ITPRIP: variants seen among roughly 807,000 people sequenced by gnomAD.
ITPRIP encodes the protein inositol 1,4,5-trisphosphate receptor-interacting protein.
In ITPRIP, 32 loss-of-function variants were observed where a neutral mutation model predicts 35.8. That is an observed-to-expected ratio of 0.89 (90% CI 0.68 to 1.20). ITPRIP has a LOEUF of 1.20. Among genes scored for constraint, ITPRIP ranks in the 50% most tolerant of loss-of-function variants. ITPRIP has a pLI of 0.00. For synonymous variants in ITPRIP, 358 were observed against 324.0 expected (o/e 1.11, Z -1.13); for missense variants, 653 against 735.6 (o/e 0.89, Z 1.30).
chr10:104,325,358 C>T (rs2013970871), intron 1 of ITPRIP, among the ~76,000 whole-genome samples: 1 of 152,216 alleles, frequency 6.6e-6, no homozygotes, highest in Non-Finnish European at 1.5e-5. Context: ...TCAGCAACTA[C>T]TCAGCAAACC....
In ITPRIP at chr10:104,328,020, G is replaced by A. The variant is rs1273731232; in HGVS notation, c.-14+10226C>T. Among the ~76,000 whole-genome samples the A allele has an allele frequency of 2.0e-5, 3 of 152,164 alleles. No individual in the cohort carries two copies. The highest frequency in any genetic ancestry group is 2.9e-5 in the Non-Finnish European group (2 of 68,028). Reference sequence around the variant, plus strand: ...CCCAGAGCAACTGGCATAGACCTGCGCTCCGTGCTAAGGACACACACTATC... The same window carrying A: ...CCCAGAGCAACTGGCATAGACCTGCACTCCGTGCTAAGGACACACACTATC... On this transcript the variant is annotated intron_variant, in intron 1 of 1. Coordinates refer to ENST00000337478, the MANE Select transcript of ITPRIP (RefSeq NM_001272013.2). This position sits in a 1 kb window ranked among gnomAD's most constrained non-coding sequence, Gnocchi z 4.1.
chr10:104,316,055 T>G lies in ITPRIP; in HGVS notation c.-4A>C, dbSNP rs776162336. 57 of 1,562,454 alleles carry G rather than the reference T, an allele frequency of 3.6e-5. No homozygotes were observed. Among genetic ancestry groups the G allele is most frequent in the Non-Finnish European group, 3.1e-5 (36 of 1,157,336 alleles). ...CGCGGAAGAGCCCCATGGCCATGGT[T>G]GGAGCTTTCCTGGGAACAGAGAGAC... On this transcript the variant is annotated 5_prime_UTR_variant, in exon 2 of 2. Transcript: ENST00000337478.
In ITPRIP at chr10:104,315,043, T is replaced by G. The variant is rs2013610675; in HGVS notation, c.1009A>C (p.Lys337Gln). The G allele has an allele frequency of 6.2e-7, 1 of 1,614,000 alleles. No homozygotes were observed. Among genetic ancestry groups the G allele is most frequent in the Non-Finnish European group, 8.5e-7 (1 of 1,180,026 alleles). Reference protein sequence around the residue: ...QLDSPGSLKIKFRSGKFMPFN... With the variant: ...QLDSPGSLKIQFRSGKFMPFN... Reference sequence around the variant, plus strand: ...GGCATGAACTTCCCTGAACGGAACTTGATCTTCAGGGACCCCGGGCTGTCC... The same window carrying G: ...GGCATGAACTTCCCTGAACGGAACTGGATCTTCAGGGACCCCGGGCTGTCC... Residue 337 changes from lysine to glutamine, a missense_variant, in exon 2 of 2, where the codon AAG (lysine) becomes CAG (glutamine). Transcript: ENST00000337478. This position sits in a 1 kb window ranked among gnomAD's most constrained non-coding sequence, Gnocchi z 5.7.
At chr10:104,316,543 T>C (rs1454954329) in intron 1 of ITPRIP, among the ~76,000 whole-genome samples, 3 of 151,976 alleles carry the variant, frequency 2.0e-5, no homozygotes, top group Non-Finnish European at 1.5e-5. Context: ...CTGTTGCTAG[T>C]TTGGTTGCTA....
rs1183532940 is a variant in ITPRIP, at chr10:104,312,963, G to A, written c.*1445C>T. The stretch of plus-strand genomic sequence containing the variant: ...CAAAGGGCCAGTGAAGCCACAGGTG[G>A]AAAAGAGCCTTCCTGATCCCCCTGA... On this transcript the variant is annotated 3_prime_UTR_variant, in exon 2 of 2. Coordinates refer to ENST00000337478, the MANE Select transcript of ITPRIP (RefSeq NM_001272013.2). 31 of 985,370 alleles carry A rather than the reference G, an allele frequency of 3.1e-5. No homozygotes were observed. Among genetic ancestry groups the A allele is most frequent in the Non-Finnish European group, 3.6e-5 (30 of 829,974 alleles). 61.0% of individuals were successfully genotyped at this position (985,370 alleles called of 1,614,324 possible).
intron 1 of ITPRIP, among the ~76,000 whole-genome samples, chr10:104,327,784 G>A (rs1201361656): frequency 9.2e-5 from 14 of 152,190 alleles, no homozygotes; most frequent in Admixed American, 8.5e-4. Context: ...CAGCAACCCC[G>A]GGGGAGGGGG....
chr10:104,338,094 G>A (rs1279549165), intron 1 of ITPRIP, among the ~76,000 whole-genome samples, 152 bp downstream of exon 1: 1 of 152,216 alleles, frequency 6.6e-6, no homozygotes, highest in Non-Finnish European at 1.5e-5. Flanking sequence ...GGTCTCCAAA[G>A]TCAGCCCCCA....
intron 1 of ITPRIP, among the ~76,000 whole-genome samples, chr10:104,321,116 A>G (rs1345403814): frequency 1.3e-5 from 2 of 152,138 alleles, no homozygotes; most frequent in South Asian, 2.1e-4. Context: ...CTCCCCAAAG[A>G]GTCCCCTACT....
rs372550946 is a variant in ITPRIP at position 104,314,918 on chromosome 10, T to G, written c.1134A>C (p.Thr378=). Residue 378 remains threonine (T), a synonymous_variant, in exon 2 of 2, where the codon ACA becomes ACC. Coordinates refer to ENST00000337478, the MANE Select transcript of ITPRIP (RefSeq NM_001272013.2). ...AGACAGCAAAGGACAGGAGCCAGTC[T>G]GTGCTGGAGGCTGGGGTGCCCTCAG... The part of the protein sequence containing the change: ...EPSEGTPASS[T]DWLLSFAVYE... The G allele has an allele frequency of 5.6e-6, 9 of 1,613,754 alleles. No homozygotes were observed. In the South Asian group the frequency reaches 9.9e-5, roughly 18 times the overall value.
rs754329412 is a variant in ITPRIP at position 104,314,947 on chromosome 10, G to A, written c.1105C>T (p.Pro369Ser). Residue 369 changes from proline (P) to serine (S), a missense_variant, in exon 2 of 2, where the codon CCC becomes TCC. By Grantham distance (74) the Pro-to-Ser change is moderately conservative (BLOSUM62 -1). Transcript: ENST00000337478. The stretch of plus-strand genomic sequence containing the variant: ...CTGGAGGCTGGGGTGCCCTCAGAGG[G>A]CTCCCTGGGAAGGTGGGAGACAAAG... ...LYFVSHLPRE[P>S]SEGTPASSTD... 2 of 1,613,642 alleles carry A rather than the reference G, an allele frequency of 1.2e-6. No individual in the cohort carries two copies. The highest frequency in any genetic ancestry group is 3.3e-5 in the Admixed American group (2 of 60,030).
Position 104,313,521 on chromosome 10 carries a change from G to A in ITPRIP, c.*887C>T. On this transcript the variant is annotated 3_prime_UTR_variant, in exon 2 of 2. Transcript: ENST00000337478. ...GTCACCCCGTGTGTCTCTTTCTCCA[G>A]GTCAGCTTCCACCTTTAGCATCTGT... 1 of 985,546 alleles carries A rather than the reference G, an allele frequency of 1.0e-6. No homozygotes were observed. The highest frequency in any genetic ancestry group is 1.2e-6 in the Non-Finnish European group (1 of 830,028). 61.1% of individuals were successfully genotyped at this position (985,546 alleles called of 1,614,324 possible).
intron 1 of ITPRIP, among the ~76,000 whole-genome samples, chr10:104,337,872 T>C (rs1405260706): frequency 6.6e-6 from 1 of 152,072 alleles, no homozygotes; most frequent in Middle Eastern, 3.2e-3. Flanking sequence ...AGCGCTCTGC[T>C]CAGATGTGAG....
intron 1 of ITPRIP, among the ~76,000 whole-genome samples, chr10:104,321,444 G>T (rs936647782): frequency 3.2e-4 from 48 of 152,194 alleles, no homozygotes; most frequent in African/African-American, 1.1e-3. Context: ...CAGGTGGCTG[G>T]CTGGGACCAG....
chr10:104,322,292 C>T (rs997787261), intron 1 of ITPRIP, among the ~76,000 whole-genome samples: 1 of 152,212 alleles, frequency 6.6e-6, no homozygotes. Context: ...GTTCATCACA[C>T]CGCTTTTGCC....
At chr10:104,316,389 C>G (rs1279657839) in intron 1 of ITPRIP, among the ~76,000 whole-genome samples, 1 of 152,158 alleles carries the variant, frequency 6.6e-6, no homozygotes, top group African/African-American at 2.4e-5. Context: ...GGGGTGGGCT[C>G]AAAACCCAGG....
Position 104,313,810 on chromosome 10 carries a change from T to C in ITPRIP, c.*598A>G, listed in dbSNP as rs505695. On this transcript the variant is annotated 3_prime_UTR_variant, in exon 2 of 2. Coordinates refer to ENST00000337478, the MANE Select transcript of ITPRIP (RefSeq NM_001272013.2). ...CCGTGTGACAGAGACGTTAGTCATT[T>C]GGGCCTCGAATTTATACAAGGTCTT... 0.99 allele frequency: 977,594 copies of C among 985,538 alleles called. 484,860 individuals are homozygous for C. Among genetic ancestry groups the C allele is most frequent in the East Asian group, 1 (8,816 of 8,816 alleles). The allele number at this position is 985,538 out of a possible 1,614,324, so 61.0% of individuals were successfully genotyped here.
At position 104,312,441 on chromosome 10, in the gene ITPRIP, G is replaced by A. The variant is rs1413657884; in HGVS notation, c.*1967C>T. On this transcript the variant is annotated 3_prime_UTR_variant, in exon 2 of 2. Coordinates refer to ENST00000337478, the MANE Select transcript of ITPRIP (RefSeq NM_001272013.2). ...CAGGATGAAGAGGGGGAAAGGCATG[G>A]GCCATAAATAAATAAGGAAATTTGC... 2 of 191,084 alleles carry A rather than the reference G, an allele frequency of 1.0e-5. No homozygotes were observed. Among genetic ancestry groups the A allele is most frequent in the Non-Finnish European group, 1.9e-5 (2 of 103,174 alleles). The allele number at this position is 191,084 out of a possible 1,614,324, so 11.8% of individuals were successfully genotyped here.
At position 104,315,161 on chromosome 10, in the gene ITPRIP, C is replaced by T. The variant is rs769951394; in HGVS notation, c.891G>A (p.Thr297=). ...LCATDSLYLD[T]MQVMKWFQTA... is the part of the protein sequence containing the mutation. ...TCTGGAACCACTTCATGACCTGCAT[C>T]GTGTCCAGGTACAGGGAATCTGTGG... Residue 297 remains threonine (T), a synonymous_variant, in exon 2 of 2, where the codon ACG becomes ACA. Coordinates refer to ENST00000337478, the MANE Select transcript of ITPRIP (RefSeq NM_001272013.2). The surrounding 1 kb of genome is among the most constrained non-coding windows in gnomAD (Gnocchi z 5.7). The T allele has an allele frequency of 5.0e-5, 80 of 1,613,986 alleles. No homozygotes were observed. The South Asian group carries it at 7.1e-4, about 14-fold the overall frequency.
At chr10:104,325,022 A>C (rs2013955598) in intron 1 of ITPRIP, among the ~76,000 whole-genome samples, 1 of 152,218 alleles carries the variant, frequency 6.6e-6, no homozygotes, top group South Asian at 2.1e-4. Flanking sequence ...GTTCGAGACC[A>C]GCCTTGGCAA....
Sources: gnomAD v4.1 joint callset for allele counts (sites outside exome capture counted in the v4.1 genomes callset) on GRCh38, gnomAD v4.1.1 for gene constraint, Gnocchi (gnomAD v3.1) non-coding constraint, MANE v1.5 for transcripts, NCBI Gene and HGNC (gene_info 2026-07-23, HGNC 2026-07-21) for gene names.